Variants in ADGRL3 observed in about 807,000 individuals in gnomAD.
ADGRL3 encodes adhesion G protein-coupled receptor L3, also known as calcium-independent alpha-latrotoxin receptor 3.
ADGRL3 carries 62 observed loss-of-function variants against 153.5 expected under a neutral mutation model. The ratio of observed to expected loss-of-function variants is 0.40; its 90% CI spans 0.33 to 0.50. The LOEUF is 0.50. ADGRL3 is among the 20% of genes least tolerant of loss of function. ADGRL3 has a pLI of 0.47. For synonymous variants in ADGRL3, 710 were observed against 672.5 expected, an observed-to-expected ratio of 1.06 and a Z score of -0.86; for missense variants, 1,641 against 1,859.4, an observed-to-expected ratio of 0.88 and a Z score of 2.16.
intron 4 of ADGRL3, among the ~76,000 whole-genome samples, chr4:61,581,297 C>G (rs576563973): frequency 3.3e-5 from 5 of 151,868 alleles, no homozygotes; most frequent in Admixed American, 3.3e-4. Flanking sequence ...TCTGGGTGGT[C>G]CTCTGGGTGC....
At position 61,343,454 on chromosome 4, in the gene ADGRL3, A is replaced by G. The variant is rs539101173; in HGVS notation, c.-239-39670A>G. Among the ~76,000 whole-genome samples the G allele has an allele frequency of 7.9e-5, 12 of 152,268 alleles. No individual in the cohort carries two copies. In the East Asian group the frequency reaches 2.3e-3, roughly 29 times the overall value. The stretch of plus-strand genomic sequence containing the variant: ...CCCTCAATCACAGCAGCCTGGCAAG[A>G]TGCCTTACCCTGTATCAAAAGTGAT... On this transcript the variant is annotated intron_variant, in intron 1 of 26. Transcript: ENST00000683033.
At chr4:61,987,347 A>AT (rs564340599) in intron 19 of ADGRL3, among the ~76,000 whole-genome samples, 1 of 151,024 alleles carries the variant, frequency 6.6e-6, no homozygotes, top group Non-Finnish European at 1.5e-5. Flanking sequence ...CTAATTTTGT[A>AT]TTTTTTTAGT....
intron 1 of ADGRL3, among the ~76,000 whole-genome samples, chr4:61,365,986 T>A (rs1443710242): frequency 1.3e-5 from 2 of 152,180 alleles, no homozygotes; most frequent in Admixed American, 1.3e-4. Flanking sequence ...AACAAGTTAT[T>A]TTTTTAGAAC....
At chr4:61,692,578 G>C (rs1467616681) in intron 6 of ADGRL3, among the ~76,000 whole-genome samples, 1 of 151,778 alleles carries the variant, frequency 6.6e-6, no homozygotes, top group African/African-American at 2.4e-5. Context: ...AAGTAACTGA[G>C]TTTACAGGCA....
At chr4:61,451,672 G>T (rs544913280) in intron 2 of ADGRL3, among the ~76,000 whole-genome samples, 2 of 152,232 alleles carry the variant, frequency 1.3e-5, no homozygotes, top group South Asian at 4.1e-4. Context: ...ACTAAGTGAT[G>T]ATTACATTAT....
intron 9 of ADGRL3, among the ~76,000 whole-genome samples, chr4:61,855,593 C>T (rs1385262380): frequency 6.6e-6 from 1 of 151,940 alleles, no homozygotes; most frequent in Non-Finnish European, 1.5e-5. Context: ...TAGAAAATAT[C>T]AAGAGATTTA....
intron 2 of ADGRL3, among the ~76,000 whole-genome samples, chr4:61,418,292 A>G (rs1231368642): frequency 6.6e-6 from 1 of 152,212 alleles, no homozygotes; most frequent in Non-Finnish European, 1.5e-5. Flanking sequence ...GATTGCTGCC[A>G]AGAGAATTGG....
rs1011203838 is a variant in ADGRL3, at chr4:61,456,203, T to C, written c.-173-40918T>C. ...AAAATGAGATGTAAAGCATCTTTGA[T>C]CAATAAAAAAGAGGATATATATGCT... On this transcript the variant is annotated intron_variant, in intron 2 of 26. Transcript: ENST00000683033. Among the ~76,000 whole-genome samples the C allele has an allele frequency of 3.2e-4, 49 of 151,402 alleles. 1 individual carries two copies. The highest frequency in any genetic ancestry group is 1.2e-3 in the African/African-American group (49 of 41,164).
intron 1 of ADGRL3, among the ~76,000 whole-genome samples, chr4:61,369,053 T>G (rs1469284577): frequency 6.6e-6 from 1 of 152,204 alleles, no homozygotes; most frequent in African/African-American, 2.4e-5. Context: ...TGTATAGGAA[T>G]GCTTGTGATT....
At chr4:61,266,707 A>G (rs542769550) in intron 1 of ADGRL3, among the ~76,000 whole-genome samples, 5 of 151,926 alleles carry the variant, frequency 3.3e-5, no homozygotes, top group African/African-American at 1.2e-4. Context: ...ATAGAATGAA[A>G]ATTGTTTTAT....
intron 6 of ADGRL3, among the ~76,000 whole-genome samples, chr4:61,722,611 A>G (rs2096261703): frequency 6.6e-6 from 1 of 152,176 alleles, no homozygotes; most frequent in African/African-American, 2.4e-5. Flanking sequence ...CTAGAACTGA[A>G]ACAAAAAATA....
chr4:61,344,907 C>T (rs1453639346), intron 1 of ADGRL3, among the ~76,000 whole-genome samples: 1 of 151,794 alleles, frequency 6.6e-6, no homozygotes, highest in East Asian at 1.9e-4. Flanking sequence ...TTGCCTCTGC[C>T]TCCCGAGTAG....
chr4:61,318,457 A>T (rs1289787485), intron 1 of ADGRL3, among the ~76,000 whole-genome samples: 1 of 152,024 alleles, frequency 6.6e-6, no homozygotes. Flanking sequence ...TTATCTCAAG[A>T]TTGTTTTAAG....
At chr4:61,536,903 G>A (rs1263750163) in intron 4 of ADGRL3, among the ~76,000 whole-genome samples, 2 of 151,956 alleles carry the variant, frequency 1.3e-5, no homozygotes, top group African/African-American at 2.4e-5. Flanking sequence ...TGATATGTGA[G>A]GTATTATTCT....
intron 4 of ADGRL3, among the ~76,000 whole-genome samples, chr4:61,556,047 G>T (rs1306554406): frequency 3.3e-5 from 5 of 152,130 alleles, no homozygotes; most frequent in Non-Finnish European, 7.4e-5. Context: ...TGGGAATGCA[G>T]CCCAGTGGGT....
At chr4:61,296,775 C>T (rs965352012) in intron 1 of ADGRL3, among the ~76,000 whole-genome samples, 3 of 152,030 alleles carry the variant, frequency 2.0e-5, no homozygotes, top group African/African-American at 7.2e-5. Flanking sequence ...AAATAAGCAC[C>T]TTTACACAAA....
At chr4:61,369,880 G>A (rs1219013206) in intron 1 of ADGRL3, among the ~76,000 whole-genome samples, 1 of 152,018 alleles carries the variant, frequency 6.6e-6, no homozygotes, top group Non-Finnish European at 1.5e-5. Context: ...TGGTTGGTAA[G>A]CTATTGATTA....
rs774620492 is a variant in ADGRL3 at position 61,909,682 on chromosome 4, A to C, written c.2010A>C (p.Leu670=). ...VRAMDQLVGL[L]DVQLRNLTPG... is the part of the protein sequence containing the mutation. ...CCATGGACCAGCTGGTAGGCCTCCT[A>C]GATGTACAGCTTCGGAACTTGACCC... The change falls in exon 12 of 27, where the codon CTA becomes CTC. Residue 670 remains leucine, a synonymous_variant. Transcript: ENST00000683033. 6.2e-7 allele frequency: 1 copy of C among 1,603,012 alleles called. No individual in the cohort carries two copies. The highest frequency in any genetic ancestry group is 8.5e-7 in the Non-Finnish European group (1 of 1,174,396).
Position 61,789,687 on chromosome 4 carries a change from T to A in ADGRL3, c.1400-24122T>A, listed in dbSNP as rs552374220. On this transcript the variant is annotated intron_variant, in intron 8 of 26. Coordinates refer to ENST00000683033, the MANE Select transcript of ADGRL3 (RefSeq NM_001387552.1). Reference sequence around the variant, plus strand: ...TGACTGATAGTTGATTTTCAAACAATTTTTAAGGAATGAAATAAGTCTCCA... The same window carrying A: ...TGACTGATAGTTGATTTTCAAACAAATTTTAAGGAATGAAATAAGTCTCCA... 1.3e-3 allele frequency among the ~76,000 whole-genome samples: 203 copies of A among 152,282 alleles called. 1 individual carries two copies. Among genetic ancestry groups the A allele is most frequent in the African/African-American group, 4.8e-3 (198 of 41,578 alleles).
Sources: gnomAD v4.1 joint callset for allele counts (sites outside exome capture counted in the v4.1 genomes callset) on GRCh38, gnomAD v4.1.1 for gene constraint, MANE v1.5 for transcripts, NCBI Gene and HGNC (gene_info 2026-07-23, HGNC 2026-07-21) for gene names.